TMC5: variants seen among roughly 807,000 people sequenced by gnomAD.
TMC5 encodes transmembrane channel like 5.
TMC5 carries 86 observed loss-of-function variants against 110.5 expected under a neutral mutation model. That is an observed-to-expected ratio of 0.78 (90% CI 0.65 to 0.93). TMC5 has a LOEUF of 0.93. TMC5 is among the 40% of genes least tolerant of loss of function. The probability of loss-of-function intolerance (pLI) is 0.00; values close to 1 mark genes in which losing one functional copy is unlikely to be tolerated. For synonymous variants in TMC5, 455 were observed against 439.5 expected (o/e 1.04, Z -0.44); for missense variants, 1,144 against 1,222.8 (o/e 0.94, Z 0.96).
intron 2 of TMC5, among the ~76,000 whole-genome samples, chr16:19,431,001 G>A (rs1967184619): frequency 6.6e-6 from 1 of 151,558 alleles, no homozygotes; most frequent in African/African-American, 2.4e-5. Context: ...TGAGATTACA[G>A]GCACGCGCCA....
intron 9 of TMC5, among the ~76,000 whole-genome samples, chr16:19,467,150 AAAG>A (rs1222497386): frequency 6.6e-6 from 1 of 152,022 alleles, no homozygotes; most frequent in African/African-American, 2.4e-5. Context: ...TTCAAAAAAA[AAAG>A]AGAGAGAAAG....
At chr16:19,456,228 C>T (rs568192803) in intron 5 of TMC5, among the ~76,000 whole-genome samples, 10,504 of 148,650 alleles carry the variant, frequency 0.071, 797 homozygotes, top group African/African-American at 0.19. Context: ...TATATATATA[C>T]ACACATTTAG....
At chr16:19,491,941 AGAG>A (rs1363681175) in intron 18 of TMC5, among the ~76,000 whole-genome samples, 1 of 152,166 alleles carries the variant, frequency 6.6e-6, no homozygotes, top group African/African-American at 2.4e-5. Context: ...ATTGGTCTGA[AGAG>A]GAGCTGTGGC....
intron 5 of TMC5, among the ~76,000 whole-genome samples, chr16:19,450,835 C>A (rs1967731681): frequency 6.6e-6 from 1 of 152,130 alleles, no homozygotes; most frequent in Admixed American, 6.6e-5. Flanking sequence ...TGTGAATATT[C>A]ATATAATTAT....
At chr16:19,496,152 C>T (rs532767747) in intron 20 of TMC5, among the ~76,000 whole-genome samples, 151 of 81,006 alleles carry the variant, frequency 1.9e-3, no homozygotes, top group African/African-American at 5.2e-3. Context: ...TGCAAGACTC[C>T]GTGTCAAAAA....
rs1967465703 is a variant in TMC5 at position 19,440,671 on chromosome 16, C to T, written c.633C>T (p.Asp211=). ...GAAAGCCTGATTATCCAGGCGCTGA[C>T]ATTCAACCTAACTCTCCACCCTTTT... ...SLGKPDYPGA[D]IQPNSPPFFG... Residue 211 remains aspartate (D), a synonymous_variant, in exon 3 of 22, where the codon GAC becomes GAT. Coordinates refer to ENST00000542583, the MANE Select transcript of TMC5 (RefSeq NM_001261841.2). 1 of 1,614,096 alleles carries T rather than the reference C, an allele frequency of 6.2e-7. No individual in the cohort carries two copies. Among genetic ancestry groups the T allele is most frequent in the Admixed American group, 1.7e-5 (1 of 60,010 alleles).
At chr16:19,424,557 G>C (rs973029516) in intron 1 of TMC5, among the ~76,000 whole-genome samples, 1 of 152,178 alleles carries the variant, frequency 6.6e-6, no homozygotes, top group African/African-American at 2.4e-5. Flanking sequence ...GCTGAGACAG[G>C]AGAACCACTT....
At chr16:19,422,490 C>G (rs1185374698) in intron 1 of TMC5, among the ~76,000 whole-genome samples, 1 of 152,094 alleles carries the variant, frequency 6.6e-6, no homozygotes, top group Non-Finnish European at 1.5e-5. Context: ...TAAGTACTTA[C>G]TTAATTTATC....
intron 5 of TMC5, among the ~76,000 whole-genome samples, chr16:19,459,442 C>T (rs1033194426): frequency 1.3e-5 from 2 of 152,046 alleles, no homozygotes; most frequent in Admixed American, 1.3e-4. Flanking sequence ...TGAGAAGTCT[C>T]TCGAACCTGG....
intron 9 of TMC5, among the ~76,000 whole-genome samples, chr16:19,468,043 T>G (rs1968232773): frequency 6.6e-6 from 1 of 152,084 alleles, no homozygotes; most frequent in Non-Finnish European, 1.5e-5. Flanking sequence ...GGTGTGATCT[T>G]GGCTCACTGC....
chr16:19,457,211 G>A (rs1255479701), intron 5 of TMC5, among the ~76,000 whole-genome samples: 2 of 152,164 alleles, frequency 1.3e-5, no homozygotes, highest in Non-Finnish European at 2.9e-5. Context: ...GCAACAAAGG[G>A]AGACCTCATT....
chr16:19,469,581 GC>G, intron 9 of TMC5, 99 bp from the exon 10 acceptor site: 3 of 1,443,942 alleles, frequency 2.1e-6, no homozygotes, highest in Non-Finnish European at 2.9e-6. Flanking sequence ...TCTTCACGTT[GC>G]CTTTCACCAT....
At position 19,440,698 on chromosome 16, in the gene TMC5, T is replaced by C; in HGVS notation, c.660T>C (p.Phe220=). ...ADIQPNSPPF[F]GEPDYPSAED... is the part of the protein sequence containing the mutation. ...TTCAACCTAACTCTCCACCCTTTTT[T>C]GGGGAGCCAGACTATCCCAGTGCTG... The change falls in exon 3 of 22, where the codon TTT becomes TTC. Residue 220 remains phenylalanine (F), a synonymous_variant. Coordinates refer to ENST00000542583, the MANE Select transcript of TMC5 (RefSeq NM_001261841.2). 6.2e-7 allele frequency: 1 copy of C among 1,614,154 alleles called. No homozygotes were observed.
At position 19,463,944 on chromosome 16, in the gene TMC5, A is replaced by G. The variant is rs775685183; in HGVS notation, c.1405A>G (p.Ser469Gly). 6.2e-7 allele frequency: 1 copy of G among 1,614,196 alleles called. No individual in the cohort carries two copies. The highest frequency in any genetic ancestry group is 1.1e-5 in the South Asian group (1 of 91,084). The change falls in exon 8 of 22, where the codon AGC becomes GGC. Residue 469 changes from serine (S) to glycine (G), a missense_variant. By Grantham distance (56) the Ser-to-Gly change is moderately conservative. Transcript: ENST00000542583. ...FNIFSFILNF[S>G]FIIIPQFTVA... ...CATTTTCTCATTCATCCTGAACTTC[A>G]GCTTCATCATAATCCCTCAGTTTAC... is the stretch of plus-strand genomic sequence containing the variant.
chr16:19,455,751 T>C (rs1250951918), intron 5 of TMC5, among the ~76,000 whole-genome samples: 3 of 152,128 alleles, frequency 2.0e-5, no homozygotes, highest in Non-Finnish European at 2.9e-5. Flanking sequence ...TTGAGCACTA[T>C]GTCTGCACAG....
intron 1 of TMC5, among the ~76,000 whole-genome samples, chr16:19,428,002 G>A (rs1384137982): frequency 6.6e-6 from 1 of 152,206 alleles, no homozygotes; most frequent in African/African-American, 2.4e-5. Context: ...CTTGGGGACT[G>A]TCTTAGGAGA....
intron 14 of TMC5, among the ~76,000 whole-genome samples, chr16:19,479,815 C>A (rs752983979): frequency 1.3e-5 from 2 of 151,728 alleles, no homozygotes; most frequent in Admixed American, 6.6e-5. Flanking sequence ...CTTATCCAGC[C>A]GAGGGCAGTG....
chr16:19,471,031 C>T (rs537438216), intron 10 of TMC5, among the ~76,000 whole-genome samples: 51 of 152,092 alleles, frequency 3.4e-4, no homozygotes, highest in African/African-American at 1.2e-3. Flanking sequence ...AGTGAAACTC[C>T]ATCTCCAGAA....
intron 1 of TMC5, among the ~76,000 whole-genome samples, chr16:19,423,749 T>C: frequency 6.6e-6 from 1 of 151,618 alleles, no homozygotes; most frequent in African/African-American, 2.4e-5. Flanking sequence ...ATTTTATTGT[T>C]ATTATTATTA....
Sources: allele counts gnomAD v4.1 joint callset (sites outside exome capture counted in the v4.1 genomes callset), GRCh38; gene constraint gnomAD v4.1.1; transcripts MANE v1.5; gene names NCBI Gene and HGNC (gene_info 2026-07-23, HGNC 2026-07-21).